The following SOX5 variants were observed in gnomAD, a reference collection of about 807,000 sequenced individuals.
The protein encoded by SOX5 is transcription factor SOX-5.
Under a neutral mutation model 92.0 loss-of-function variants are expected in SOX5, and 9 were observed. That is an observed-to-expected ratio of 0.10 (90% confidence interval 0.06 to 0.17). SOX5 has a LOEUF of 0.17. Among genes scored for constraint, SOX5 ranks in the 10% least tolerant of loss-of-function variants. The probability of loss-of-function intolerance (pLI) is 1.00; values close to 1 mark genes in which losing one functional copy is unlikely to be tolerated. For missense variants in SOX5, 642 were observed against 944.5 expected, an observed-to-expected ratio of 0.68 and a Z score of 4.20; for synonymous variants, 344 against 336.3, an observed-to-expected ratio of 1.02 and a Z score of -0.25.
intron 1 of SOX5, among the ~76,000 whole-genome samples, chr12:24,454,756 T>C (rs1262332866): frequency 6.6e-6 from 1 of 152,200 alleles, no homozygotes; most frequent in Non-Finnish European, 1.5e-5. Context: ...TACAACTAAA[T>C]TTTTATTTGA....
intron 4 of SOX5, among the ~76,000 whole-genome samples, chr12:24,046,856 A>AT (rs35998099): frequency 0.66 from 98,109 of 148,082 alleles, 34,703 homozygotes; most frequent in East Asian, 0.93. Flanking sequence ...ACTTTTTTGT[A>AT]TTTTTTTTTT....
chr12:24,368,656 A>T (rs1956402226), intron 1 of SOX5: 2 of 152,192 alleles, frequency 1.3e-5, no homozygotes, highest in South Asian at 4.2e-4. Context: ...TATAACACAC[A>T]CCCCATAAAT....
intron 2 of SOX5, among the ~76,000 whole-genome samples, chr12:24,327,017 C>T (rs1471239410): frequency 6.6e-6 from 1 of 152,140 alleles, no homozygotes; most frequent in African/African-American, 2.4e-5. Flanking sequence ...ACAGTAGGTG[C>T]TCAATAAATA....
chr12:24,362,028 C>T (rs1432287233), intron 2 of SOX5, among the ~76,000 whole-genome samples: 1 of 152,206 alleles, frequency 6.6e-6, no homozygotes, highest in Non-Finnish European at 1.5e-5. Flanking sequence ...ATTGGCTTTA[C>T]TGCTTCTGTG....
chr12:24,111,407 G>C (rs1242941282), intron 4 of SOX5, among the ~76,000 whole-genome samples: 1 of 152,132 alleles, frequency 6.6e-6, no homozygotes, highest in Non-Finnish European at 1.5e-5. Flanking sequence ...TACCAAGTCT[G>C]ACTAAAACAA....
intron 4 of SOX5, among the ~76,000 whole-genome samples, chr12:24,078,375 A>G (rs1242632084): frequency 6.6e-6 from 1 of 152,076 alleles, no homozygotes; most frequent in East Asian, 1.9e-4. Context: ...GCTTTTGAAT[A>G]TGAGCCACAG....
At chr12:24,425,098 T>C (rs1336571976) in intron 1 of SOX5, among the ~76,000 whole-genome samples, 1 of 152,098 alleles carries the variant, frequency 6.6e-6, no homozygotes, top group Non-Finnish European at 1.5e-5. Context: ...ATATCAGAAT[T>C]AATGTAGAGT....
At chr12:24,304,280 T>G (rs1948324306) in intron 2 of SOX5, among the ~76,000 whole-genome samples, 1 of 152,130 alleles carries the variant, frequency 6.6e-6, no homozygotes, top group African/African-American at 2.4e-5. Context: ...AAAACTGTCT[T>G]GGTTTTAGAA....
At chr12:24,459,214 T>C (rs948217294) in intron 1 of SOX5, among the ~76,000 whole-genome samples, 4 of 152,202 alleles carry the variant, frequency 2.6e-5, no homozygotes, top group South Asian at 2.1e-4. Flanking sequence ...CTTGCTAGTA[T>C]GTTTTCCAAG....
At chr12:23,634,449 A>T (rs750486679) in intron 8 of SOX5, among the ~76,000 whole-genome samples, 21 of 152,098 alleles carry the variant, frequency 1.4e-4, no homozygotes, top group Non-Finnish European at 1.8e-4. Context: ...GAATGAAGTG[A>T]AAGAATTAGC....
At chr12:23,608,861 A>G (rs779816998) in intron 8 of SOX5, among the ~76,000 whole-genome samples, 2 of 152,188 alleles carry the variant, frequency 1.3e-5, no homozygotes, top group South Asian at 2.1e-4. Context: ...TAGGCAACAT[A>G]TATGTGCTGA....
intron 2 of SOX5, among the ~76,000 whole-genome samples, chr12:24,322,754 C>A (rs938455668): frequency 6.6e-5 from 10 of 152,108 alleles, no homozygotes; most frequent in African/African-American, 1.9e-4. Flanking sequence ...ACATAGTCAA[C>A]CTTTAGCTTG....
intron 7 of SOX5, among the ~76,000 whole-genome samples, chr12:23,662,804 T>C (rs973875014): frequency 1.3e-5 from 2 of 152,224 alleles, no homozygotes; most frequent in Non-Finnish European, 2.9e-5. Context: ...GAAACGTTTA[T>C]CATCAGTATG....
chr12:23,959,177 T>G (rs1304423306), intron 4 of SOX5, among the ~76,000 whole-genome samples: 2 of 151,656 alleles, frequency 1.3e-5, no homozygotes, highest in African/African-American at 4.8e-5. Flanking sequence ...AATTCAAAAT[T>G]TATATAAAAT....
chr12:23,951,158 C>T (rs1355771866), upstream of SOX5: 1 of 420,978 alleles, frequency 2.4e-6, no homozygotes, highest in East Asian at 3.8e-5. Flanking sequence ...TGGAGAATTC[C>T]ACGAGGAAAT....
intron 2 of SOX5, among the ~76,000 whole-genome samples, chr12:24,285,307 A>G (rs1339401205): frequency 4.3e-5 from 6 of 138,094 alleles, no homozygotes. Context: ...TTTGTAAAGC[A>G]TGGTACCCTT....
chr12:24,181,977 T>C (rs563352825), intron 4 of SOX5, among the ~76,000 whole-genome samples: 18 of 152,218 alleles, frequency 1.2e-4, no homozygotes, highest in Non-Finnish European at 2.5e-4. Context: ...TTCCTTCATT[T>C]CTTTTATGCT....
intron 10 of SOX5, among the ~76,000 whole-genome samples, chr12:23,574,900 C>A (rs1307055369): frequency 6.6e-6 from 1 of 152,166 alleles, no homozygotes; most frequent in African/African-American, 2.4e-5. Flanking sequence ...AGAACTTTAT[C>A]TGTGCTCTGC....
At chr12:24,442,046 C>T (rs1016321229) in intron 1 of SOX5, among the ~76,000 whole-genome samples, 7 of 152,002 alleles carry the variant, frequency 4.6e-5, no homozygotes, top group African/African-American at 7.3e-5. Flanking sequence ...TTGAACTATA[C>T]GCCACAACAA....
Sources: allele counts gnomAD v4.1 joint callset (sites outside exome capture counted in the v4.1 genomes callset), GRCh38; gene constraint gnomAD v4.1.1; transcripts MANE v1.5; gene names NCBI Gene and HGNC (gene_info 2026-07-23, HGNC 2026-07-21).